The following UST variants were observed in gnomAD, a reference collection of about 807,000 sequenced individuals.
UST encodes the protein chondroitin sulfate 2-O-sulfotransferase.
A neutral mutation model predicts 45.6 loss-of-function variants in UST; 21 were observed. The ratio of observed to expected loss-of-function variants is 0.46; its 90% CI spans 0.33 to 0.66. The LOEUF (loss-of-function observed/expected upper bound fraction) is 0.66. Ranked by LOEUF, UST falls within the 30% of genes least tolerant of loss-of-function variation. The probability of loss-of-function intolerance (pLI) is 0.02; values close to 1 mark genes in which losing one functional copy is unlikely to be tolerated. For synonymous variants in UST, 215 were observed against 200.6 expected (o/e 1.07, Z -0.61); for missense variants, 463 against 512.4 (o/e 0.90, Z 0.93).
At chr6:148,824,733 G>C (rs1305202382) in intron 1 of UST, among the ~76,000 whole-genome samples, 1 of 143,470 alleles carries the variant, frequency 7.0e-6, no homozygotes, top group Non-Finnish European at 1.5e-5. Flanking sequence ...CATTGTGCAG[G>C]TTAGTTACAT....
intron 5 of UST, among the ~76,000 whole-genome samples, chr6:148,987,500 T>C (rs778600329): frequency 3.3e-5 from 5 of 152,180 alleles, no homozygotes; most frequent in Non-Finnish European, 7.3e-5. Flanking sequence ...AAAAAAAATT[T>C]CTACTGCACA....
chr6:148,900,142 G>T (rs113990396), intron 2 of UST, among the ~76,000 whole-genome samples: 6 of 152,228 alleles, frequency 3.9e-5, no homozygotes, highest in African/African-American at 1.4e-4. Context: ...TTCTTCAGTT[G>T]TGTAAATCTC....
chr6:148,881,191 C>T (rs145083184), intron 1 of UST, among the ~76,000 whole-genome samples: 41 of 152,258 alleles, frequency 2.7e-4, no homozygotes, highest in African/African-American at 9.4e-4. Context: ...TTTGTCTCCT[C>T]CGCTTACCTG....
chr6:149,076,344 T>C lies in UST; in HGVS notation c.*2228T>C, dbSNP rs967909895. On this transcript the variant is annotated 3_prime_UTR_variant, in exon 8 of 8. Transcript: ENST00000367463. ...CAATCTCACAATCTGAAAATAAAGT[T>C]GAGTTGGCTGTGTTTTCTCTGCTCT... 6.6e-6 allele frequency: 1 copy of C among 152,234 alleles called. No individual in the cohort carries two copies. Among genetic ancestry groups the C allele is most frequent in the Non-Finnish European group, 1.5e-5 (1 of 68,038 alleles). 9.4% of individuals were successfully genotyped at this position (152,234 alleles called of 1,614,324 possible).
At chr6:148,979,814 C>G (rs1562319488) in intron 5 of UST, among the ~76,000 whole-genome samples, 1 of 152,132 alleles carries the variant, frequency 6.6e-6, no homozygotes, top group Admixed American at 6.5e-5. Flanking sequence ...AGGGCATAAA[C>G]CCCCTCACTT....
intron 2 of UST, among the ~76,000 whole-genome samples, chr6:148,940,358 G>T (rs1465236975): frequency 1.3e-5 from 2 of 150,374 alleles, no homozygotes; most frequent in African/African-American, 5.0e-5. Flanking sequence ...TTAGCCAGTC[G>T]TGGTGTGTGC....
At chr6:148,899,092 CTTTTTTTTTT>C (rs3075093) in intron 2 of UST, among the ~76,000 whole-genome samples, 1 of 65,552 alleles carries the variant, frequency 1.5e-5, no homozygotes, top group Non-Finnish European at 2.8e-5. Context: ...CTACCTAATC[CTTTTTTTTTT>C]TTTTTTTTTT....
chr6:148,822,257 T>C (rs2114745252), intron 1 of UST, among the ~76,000 whole-genome samples: 1 of 152,346 alleles, frequency 6.6e-6, no homozygotes, highest in Middle Eastern at 3.4e-3. Flanking sequence ...ATGCTTACAT[T>C]GGTATTCCAA....
chr6:148,902,533 G>A (rs187924890), intron 2 of UST, among the ~76,000 whole-genome samples: 41 of 151,866 alleles, frequency 2.7e-4, no homozygotes, highest in African/African-American at 9.2e-4. Flanking sequence ...ATTGCATCTC[G>A]CCTGGTTTTA....
At chr6:148,909,708 C>G (rs1779437313) in intron 2 of UST, among the ~76,000 whole-genome samples, 1 of 152,164 alleles carries the variant, frequency 6.6e-6, no homozygotes, top group Non-Finnish European at 1.5e-5. Context: ...TAGAAAATTG[C>G]CAGCTAGTGC....
chr6:148,874,495 A>C (rs950714243), intron 1 of UST, among the ~76,000 whole-genome samples: 2 of 152,176 alleles, frequency 1.3e-5, no homozygotes, highest in African/African-American at 4.8e-5. Flanking sequence ...ATTATTTTTC[A>C]GTGTCTGGAA....
intron 7 of UST, among the ~76,000 whole-genome samples, chr6:149,037,629 C>A (rs756205541): frequency 2.6e-5 from 4 of 152,196 alleles, no homozygotes; most frequent in Non-Finnish European, 5.9e-5. Context: ...AGCCAAGCAC[C>A]GCGACTCAAA....
At chr6:148,992,339 C>G (rs1781370425) in intron 5 of UST, among the ~76,000 whole-genome samples, 1 of 152,068 alleles carries the variant, frequency 6.6e-6, no homozygotes, top group Non-Finnish European at 1.5e-5. Context: ...CCCGTCTCTA[C>G]TAAAAATACA....
chr6:148,761,342 A>C (rs1776214719), intron 1 of UST, among the ~76,000 whole-genome samples: 1 of 152,066 alleles, frequency 6.6e-6, no homozygotes, highest in Non-Finnish European at 1.5e-5. Context: ...AGTTCCTAAG[A>C]AGCTTAGGGG....
intron 3 of UST, among the ~76,000 whole-genome samples, chr6:148,944,312 T>C (rs1780189052): frequency 6.6e-6 from 1 of 152,160 alleles, no homozygotes; most frequent in South Asian, 2.1e-4. Context: ...CCTGGGACTT[T>C]ATCCACCGTG....
chr6:148,946,797 G>C (rs1380488899), intron 3 of UST, among the ~76,000 whole-genome samples: 3 of 107,776 alleles, frequency 2.8e-5, no homozygotes, highest in Non-Finnish European at 5.0e-5. Flanking sequence ...CTGGGCGACA[G>C]AGCGAGACTC....
intron 1 of UST, among the ~76,000 whole-genome samples, chr6:148,804,546 G>A (rs891535458): frequency 2.6e-5 from 4 of 152,162 alleles, no homozygotes; most frequent in Non-Finnish European, 4.4e-5. Flanking sequence ...CACCATGTAC[G>A]TGCCATCCTT....
rs939872393 is a variant in UST at position 149,076,160 on chromosome 6, A to G, written c.*2044A>G. On this transcript the variant is annotated 3_prime_UTR_variant, in exon 8 of 8. Coordinates refer to ENST00000367463, the MANE Select transcript of UST (RefSeq NM_005715.3). ...GGAGGAAATATCCTTTGTCCTGTTC[A>G]GAGAGACCAGGGCCCTACCATTAGG... 6 of 152,388 alleles carry G rather than the reference A, an allele frequency of 3.9e-5. No individual in the cohort carries two copies. Among genetic ancestry groups the G allele is most frequent in the African/African-American group, 1.4e-4 (6 of 41,576 alleles). The allele number at this position is 152,388 out of a possible 1,614,324, so 9.4% of individuals were successfully genotyped here.
At position 148,942,633 on chromosome 6, in the gene UST, A is replaced by G. The variant is rs1324830353; in HGVS notation, c.447+1199A>G. 2.0e-5 allele frequency among the ~76,000 whole-genome samples: 3 copies of G among 152,328 alleles called. No individual in the cohort carries two copies. The South Asian group carries it at 6.2e-4, about 32-fold the overall frequency. On this transcript the variant is annotated intron_variant, in intron 3 of 7. Coordinates refer to ENST00000367463, the MANE Select transcript of UST (RefSeq NM_005715.3). ...TCCATGTCCATTTTCTTTGGACATA[A>G]TCTCCAGCTTTGAAACATTCAGAAC...
Sources: allele counts gnomAD v4.1 joint callset (sites outside exome capture counted in the v4.1 genomes callset), GRCh38; gene constraint gnomAD v4.1.1; transcripts MANE v1.5; gene names NCBI Gene and HGNC (gene_info 2026-07-23, HGNC 2026-07-21).